The following CTIF variants were observed in gnomAD, a reference collection of about 807,000 sequenced individuals.
The protein encoded by CTIF is cap binding complex dependent translation initiation factor.
Under a neutral mutation model 66.0 loss-of-function variants are expected in CTIF, and 21 were observed. The observed-to-expected ratio is 0.32, with a 90% CI of 0.23 to 0.46. The LOEUF (loss-of-function observed/expected upper bound fraction) is 0.46, where lower values mean the gene tolerates loss of function less well. Among genes scored for constraint, CTIF ranks in the 20% least tolerant of loss-of-function variants. The pLI is 1.00. For missense variants in CTIF, 739 were observed against 812.7 expected (o/e 0.91, Z 1.10); for synonymous variants, 345 against 326.4 (o/e 1.06, Z -0.62).
chr18:48,643,419 G>A (rs1253509785), intron 3 of CTIF, among the ~76,000 whole-genome samples: 1 of 152,194 alleles, frequency 6.6e-6, no homozygotes, highest in African/African-American at 2.4e-5. Flanking sequence ...ACACAGCAAG[G>A]CCTGTCTGTC....
chr18:48,639,185 G>A (rs1353058014), intron 3 of CTIF, among the ~76,000 whole-genome samples: 6 of 152,256 alleles, frequency 3.9e-5, no homozygotes, highest in Non-Finnish European at 8.8e-5. Flanking sequence ...GTTTGCCTGA[G>A]TCTGGCGTGG....
Position 48,664,536 on chromosome 18 carries a change from A to G in CTIF, c.416A>G (p.His139Arg), listed in dbSNP as rs777174504. 1.7e-5 allele frequency: 27 copies of G among 1,611,816 alleles called. No individual in the cohort carries two copies. Among genetic ancestry groups the G allele is most frequent in the Middle Eastern group, 1.6e-4 (1 of 6,082 alleles). ...CACACGCCCAAGCAGCCCCTGCCACACATCGACCGCGAAGGGTAAGGGGTG... is the reference window on the plus strand; with the variant it reads ...CACACGCCCAAGCAGCCCCTGCCACGCATCGACCGCGAAGGGTAAGGGGTG... Reference protein sequence around the residue: ...VRHTPKQPLPHIDREGCGKGK... With the variant: ...VRHTPKQPLPRIDREGCGKGK... The change falls in exon 5 of 12, where the codon CAC (histidine) becomes CGC (arginine). Residue 139 changes from histidine (H) to arginine (R), a missense_variant. By Grantham distance (29) the His-to-Arg change is conservative. This residue lies in a region of CTIF where 529 missense variants were observed against 520.3 expected (regional missense o/e 1.02). Coordinates refer to ENST00000256413, the MANE Select transcript of CTIF (RefSeq NM_014772.3).
intron 1 of CTIF, among the ~76,000 whole-genome samples, chr18:48,553,090 G>A (rs995697400): frequency 2.0e-5 from 3 of 152,098 alleles, no homozygotes; most frequent in African/African-American, 4.8e-5. Flanking sequence ...TTCCTGATAC[G>A]GCCAGTTGGA....
chr18:48,750,380 C>A (rs1319405670), intron 7 of CTIF, among the ~76,000 whole-genome samples: 4 of 152,236 alleles, frequency 2.6e-5, no homozygotes. Flanking sequence ...AAGCTCAGAA[C>A]CCCATAGAGT....
intron 3 of CTIF, among the ~76,000 whole-genome samples, chr18:48,646,413 T>G (rs1384350751): frequency 6.6e-6 from 1 of 150,546 alleles, no homozygotes; most frequent in Non-Finnish European, 1.5e-5. Flanking sequence ...TAATTTTTTT[T>G]AAAGTGACAA....
intron 1 of CTIF, among the ~76,000 whole-genome samples, chr18:48,553,443 C>T (rs16949457): frequency 0.017 from 2,594 of 152,270 alleles, 73 homozygotes; most frequent in African/African-American, 0.06. Flanking sequence ...TGGCAGATGA[C>T]GGTGAGGAGC....
chr18:48,596,143 A>G (rs1018885175), intron 1 of CTIF, among the ~76,000 whole-genome samples: 1 of 152,220 alleles, frequency 6.6e-6, no homozygotes, highest in Non-Finnish European at 1.5e-5. Flanking sequence ...ATTCAACACC[A>G]TCTTAGAAAG....
Position 48,859,413 on chromosome 18 carries a change from CG to C in CTIF, c.1654del (p.Asp552ThrfsTer11). ...GATGACAGAGCTCCTGGCCAGCGCACGGGACAAGATGCTGTGCCCCTCGGAG... is the reference window on the plus strand; with the variant it reads ...GATGACAGAGCTCCTGGCCAGCGCACGGACAAGATGCTGTGCCCCTCGGAG... Reference protein sequence around the residue: ...EMMTELLASARDKMLCPSESM... With the variant: ...EMMTELLASAXDKMLCPSESM... On this transcript the variant is annotated frameshift_variant, in exon 12 of 12. Transcript: ENST00000256413. LOFTEE classifies it high-confidence loss of function. 6.2e-7 allele frequency: 1 copy of C among 1,614,126 alleles called. No homozygotes were observed. The highest frequency in any genetic ancestry group is 8.5e-7 in the Non-Finnish European group (1 of 1,180,032).
intron 10 of CTIF, among the ~76,000 whole-genome samples, chr18:48,832,724 G>A (rs1029595764): frequency 3.3e-5 from 5 of 152,216 alleles, no homozygotes; most frequent in Non-Finnish European, 7.3e-5. Context: ...AAACATGAAA[G>A]TATTTGCTGA....
rs193039759 is a variant in CTIF, at chr18:48,651,059, A to T, written c.253-12693A>T. On this transcript the variant is annotated intron_variant, in intron 3 of 11. Transcript: ENST00000256413. ...AAAAACATGCCAAATTCTAAAGACC[A>T]TCGAGGCTAGGAAGAAACTGCATCA... 3.0e-4 allele frequency among the ~76,000 whole-genome samples: 45 copies of T among 152,352 alleles called. 1 individual carries two copies. Among genetic ancestry groups the T allele is most frequent in the African/African-American group, 1.0e-3 (43 of 41,590 alleles).
At chr18:48,629,403 C>G (rs2090662108) in intron 2 of CTIF, among the ~76,000 whole-genome samples, 1 of 152,182 alleles carries the variant, frequency 6.6e-6, no homozygotes, top group African/African-American at 2.4e-5. Flanking sequence ...CCCACACTCT[C>G]TCTCTAAATA....
intron 1 of CTIF, among the ~76,000 whole-genome samples, chr18:48,612,784 C>A (rs1343592316): frequency 1.3e-5 from 2 of 152,152 alleles, no homozygotes; most frequent in East Asian, 3.9e-4. Context: ...CAAGCAAGCC[C>A]CCTGCAGCCC....
At position 48,721,272 on chromosome 18, in the gene CTIF, C is replaced by T. The variant is rs533439843; in HGVS notation, c.584+9577C>T. ...ACCTGCAGGACAGGAGGGCTGCTCC[C>T]TGAGAAACTGGCCCTGGAGAGATAA... On this transcript the variant is annotated intron_variant, in intron 7 of 11. Transcript: ENST00000256413. Among the ~76,000 whole-genome samples the T allele has an allele frequency of 3.3e-5, 5 of 152,322 alleles. No homozygotes were observed. The South Asian group carries it at 1.0e-3, about 32-fold the overall frequency.
At chr18:48,539,780 G>T (rs989166613) in intron 1 of CTIF, 1 of 152,704 alleles carries the variant, frequency 6.5e-6, no homozygotes, top group Non-Finnish European at 1.5e-5. Flanking sequence ...GCATCGAGCA[G>T]TTGGTTTAGT....
At chr18:48,600,659 C>G (rs1292639778) in intron 1 of CTIF, among the ~76,000 whole-genome samples, 1 of 152,026 alleles carries the variant, frequency 6.6e-6, no homozygotes, top group East Asian at 1.9e-4. Flanking sequence ...TTCTTCTGAG[C>G]TCTGATATCT....
intron 1 of CTIF, among the ~76,000 whole-genome samples, chr18:48,598,123 G>A (rs553334545): frequency 6.6e-6 from 1 of 152,330 alleles, no homozygotes; most frequent in South Asian, 2.1e-4. Context: ...AGATGGCCTG[G>A]GTGGGCAGGG....
Position 48,858,040 on chromosome 18 carries a change from CA to C in CTIF, c.1581+400del, listed in dbSNP as rs566026379. ...TGCTGGCACAGCCCACCCGAAAGCACACCTCTTGGGAGGTGCCACTCCTGTC... is the reference window on the plus strand; with the variant it reads ...TGCTGGCACAGCCCACCCGAAAGCACCCTCTTGGGAGGTGCCACTCCTGTC... On this transcript the variant is annotated intron_variant, in intron 11 of 11. Coordinates refer to ENST00000256413, the MANE Select transcript of CTIF (RefSeq NM_014772.3). 3.9e-5 allele frequency among the ~76,000 whole-genome samples: 6 copies of C among 152,388 alleles called. No homozygotes were observed. In the East Asian group the frequency reaches 1.2e-3, roughly 29 times the overall value.
chr18:48,729,653 G>T (rs1404881733), intron 7 of CTIF, among the ~76,000 whole-genome samples: 2 of 152,172 alleles, frequency 1.3e-5, no homozygotes, highest in East Asian at 3.9e-4. Context: ...TTTCCACAGG[G>T]TTCTGGAATG....
chr18:48,541,814 G>A (rs2145452781), intron 1 of CTIF, among the ~76,000 whole-genome samples: 1 of 152,164 alleles, frequency 6.6e-6, no homozygotes, highest in South Asian at 2.1e-4. Context: ...ACCTTACAGG[G>A]CAGGTTTTCT....
Sources: gnomAD v4.1 joint callset for allele counts (sites outside exome capture counted in the v4.1 genomes callset) on GRCh38, gnomAD v4.1.1 for gene constraint, gnomAD v4.1.1 regional missense constraint, MANE v1.5 for transcripts, NCBI Gene and HGNC (gene_info 2026-07-23, HGNC 2026-07-21) for gene names.